Variants in PARD3 observed in about 807,000 individuals in gnomAD.
The protein encoded by PARD3 is par-3 family cell polarity regulator.
PARD3 carries 75 observed loss-of-function variants against 155.4 expected under a neutral mutation model. The observed-to-expected ratio is 0.48, with a 90% CI of 0.40 to 0.58. PARD3 has a LOEUF of 0.58. PARD3 is among the 20% of genes least tolerant of loss of function. The pLI is 0.00. For missense variants in PARD3, 1,642 were observed against 1,721.7 expected, an observed-to-expected ratio of 0.95 and a Z score of 0.82; for synonymous variants, 576 against 610.5, an observed-to-expected ratio of 0.94 and a Z score of 0.83.
At chr10:34,229,073 A>G (rs937735221) in intron 22 of PARD3, among the ~76,000 whole-genome samples, 1 of 151,936 alleles carries the variant, frequency 6.6e-6, no homozygotes, top group South Asian at 2.1e-4. Flanking sequence ...ACCTCCAGCA[A>G]CTGGGTCCCC....
intron 1 of PARD3, among the ~76,000 whole-genome samples, chr10:34,737,805 T>G (rs924061058): frequency 1.3e-5 from 2 of 152,214 alleles, no homozygotes; most frequent in African/African-American, 4.8e-5. Context: ...TATTTTCTTA[T>G]AGCAACACGA....
chr10:34,246,969 C>T (rs1564516078), intron 22 of PARD3, among the ~76,000 whole-genome samples: 1 of 152,036 alleles, frequency 6.6e-6, no homozygotes, highest in Non-Finnish European at 1.5e-5. Context: ...TGCCTGTAGT[C>T]CCAGCTACTC....
chr10:34,797,767 CCCGTGCTGTCTCTCA>C (rs1842434054), intron 1 of PARD3, among the ~76,000 whole-genome samples: 1 of 152,136 alleles, frequency 6.6e-6, no homozygotes, highest in African/African-American at 2.4e-5. Flanking sequence ...TTACAACTCC[CCCGTGCTGTCTCTCA>C]CTGCCCTTCC....
chr10:34,488,118 T>C (rs2079597356), intron 3 of PARD3, among the ~76,000 whole-genome samples: 2 of 152,168 alleles, frequency 1.3e-5, no homozygotes, highest in Non-Finnish European at 2.9e-5. Context: ...CACCTCAGGA[T>C]GTGCGTTTGA....
intron 1 of PARD3, among the ~76,000 whole-genome samples, chr10:34,786,916 T>C (rs997270068): frequency 1.3e-5 from 2 of 152,120 alleles, no homozygotes; most frequent in Non-Finnish European, 2.9e-5. Flanking sequence ...AAAAAACTGG[T>C]AGATAGACAG....
At chr10:34,691,854 C>T (rs1468554664) in intron 2 of PARD3, among the ~76,000 whole-genome samples, 3 of 152,158 alleles carry the variant, frequency 2.0e-5, no homozygotes, top group Non-Finnish European at 1.5e-5. Context: ...GAAAGAACAC[C>T]CCATTCAATA....
At chr10:34,493,794 TA>T (rs1166569648) in intron 3 of PARD3, among the ~76,000 whole-genome samples, 1 of 152,114 alleles carries the variant, frequency 6.6e-6, no homozygotes, top group African/African-American at 2.4e-5. Context: ...TAAACTATAT[TA>T]AAACAAAGAT....
chr10:34,683,254 A>G (rs187469806), intron 2 of PARD3, among the ~76,000 whole-genome samples: 26 of 152,210 alleles, frequency 1.7e-4, no homozygotes, highest in Admixed American at 5.9e-4. Context: ...AGGCGGGGAG[A>G]GAAGCAAGGC....
chr10:34,807,653 A>G (rs890625748), intron 1 of PARD3, among the ~76,000 whole-genome samples: 4 of 151,116 alleles, frequency 2.6e-5, no homozygotes, highest in African/African-American at 9.8e-5. Context: ...GGTTTTGTGT[A>G]CACATTTTCA....
intron 20 of PARD3, among the ~76,000 whole-genome samples, chr10:34,311,851 T>A (rs1392622361): frequency 1.3e-5 from 2 of 152,154 alleles, no homozygotes; most frequent in African/African-American, 4.8e-5. Context: ...CATGAATCTA[T>A]CCGTTGCATC....
At chr10:34,406,058 AGT>A (rs1328814828) in intron 5 of PARD3, among the ~76,000 whole-genome samples, 2 of 152,198 alleles carry the variant, frequency 1.3e-5, no homozygotes, top group Admixed American at 1.3e-4. Flanking sequence ...AACAATGAGG[AGT>A]TATCTCCAAA....
chr10:34,156,542 T>C (rs1949013026), intron 22 of PARD3, among the ~76,000 whole-genome samples: 2 of 152,100 alleles, frequency 1.3e-5, no homozygotes, highest in South Asian at 2.1e-4. Context: ...AACAAAATGG[T>C]CAATAGGAGG....
chr10:34,680,517 C>G (rs1240683971), intron 2 of PARD3, among the ~76,000 whole-genome samples: 2 of 147,610 alleles, frequency 1.4e-5, no homozygotes, highest in Non-Finnish European at 3.0e-5. Context: ...CAATATCACA[C>G]CACTGCACTG....
At chr10:34,160,878 G>A (rs1240213660) in intron 22 of PARD3, among the ~76,000 whole-genome samples, 1 of 152,130 alleles carries the variant, frequency 6.6e-6, no homozygotes, top group African/African-American at 2.4e-5. Flanking sequence ...TAGGTCTGAG[G>A]GAGCATGCAG....
chr10:34,277,735 G>A (rs181088866), intron 21 of PARD3, among the ~76,000 whole-genome samples: 3 of 152,136 alleles, frequency 2.0e-5, no homozygotes, highest in East Asian at 3.9e-4. Flanking sequence ...AATACAAAAC[G>A]GTTAAAAGTT....
At chr10:34,771,681 G>A (rs1838885895) in intron 1 of PARD3, among the ~76,000 whole-genome samples, 1 of 152,194 alleles carries the variant, frequency 6.6e-6, no homozygotes. Context: ...TTTCAATTTG[G>A]TGGTGTATCT....
intron 2 of PARD3, among the ~76,000 whole-genome samples, chr10:34,579,592 G>C (rs961323905): frequency 4.0e-5 from 6 of 150,320 alleles, no homozygotes; most frequent in African/African-American, 1.5e-4. Flanking sequence ...GTGTGTGTGT[G>C]TGTTTTGACA....
At chr10:34,344,258 TTTTGTTTG>T (rs144146985) in intron 15 of PARD3, 1 of 963,904 alleles carries the variant, frequency 1.0e-6, no homozygotes, top group African/African-American at 1.8e-5. Flanking sequence ...TTGCTGGTTT[TTTTGTTTG>T]TTTGTTTGTT....
intron 10 of PARD3, among the ~76,000 whole-genome samples, chr10:34,376,398 G>T (rs554801544): frequency 1.6e-4 from 25 of 152,240 alleles, no homozygotes; most frequent in African/African-American, 5.5e-4. Flanking sequence ...AAGAAAGACG[G>T]AGAGAGCCAG....
Sources: allele counts gnomAD v4.1 joint callset (sites outside exome capture counted in the v4.1 genomes callset), GRCh38; gene constraint gnomAD v4.1.1; transcripts MANE v1.5; gene names NCBI Gene and HGNC (gene_info 2026-07-23, HGNC 2026-07-21).